The following SPEF2 variants were observed in gnomAD, a reference collection of about 807,000 sequenced individuals.
The protein encoded by SPEF2 is sperm flagellar and cilia associated 2.
Under a neutral mutation model 224.6 loss-of-function variants are expected in SPEF2, and 187 were observed. The observed-to-expected ratio is 0.83, with a 90% confidence interval of 0.74 to 0.94. The LOEUF is 0.94. SPEF2 is among the 40% of genes least tolerant of loss of function. SPEF2 has a pLI of 0.00. For synonymous variants in SPEF2, 715 were observed against 707.3 expected (o/e 1.01, Z -0.17); for missense variants, 2,170 against 2,135.6 (o/e 1.02, Z -0.32).
intron 26 of SPEF2, among the ~76,000 whole-genome samples, chr5:35,768,732 T>A (rs1752412575): frequency 6.6e-6 from 1 of 152,184 alleles, no homozygotes; most frequent in African/African-American, 2.4e-5. Context: ...CTAACAATCA[T>A]ATTTGAATAC....
At chr5:35,623,939 C>T (rs181576285) in intron 1 of SPEF2, among the ~76,000 whole-genome samples, 1 of 152,250 alleles carries the variant, frequency 6.6e-6, no homozygotes, top group African/African-American at 2.4e-5. Context: ...ATAAGGTAGA[C>T]CCCATCACTC....
At chr5:35,655,234 C>A (rs1214828187) in intron 7 of SPEF2, among the ~76,000 whole-genome samples, 1 of 152,286 alleles carries the variant, frequency 6.6e-6, no homozygotes, top group East Asian at 1.9e-4. Flanking sequence ...CCACCCCAGA[C>A]CAGACCTGAA....
chr5:35,659,315 C>A lies in SPEF2; in HGVS notation c.1167+108C>A, dbSNP rs986469780. 8.9e-6 allele frequency: 10 copies of A among 1,121,546 alleles called. No homozygotes were observed. In the African/African-American group the frequency reaches 1.3e-4, roughly 14 times the overall value. 69.5% of individuals were successfully genotyped at this position (1,121,546 alleles called of 1,614,324 possible). On this transcript the variant is annotated intron_variant, in intron 8 of 36. Transcript: ENST00000356031. ...GTTGCCAATCATCTAATAAGATTTT[C>A]TTTTGTATGATCAACCTGTTATCTG... is the stretch of plus-strand genomic sequence containing the variant.
intron 30 of SPEF2, among the ~76,000 whole-genome samples, chr5:35,784,715 G>A (rs1754860239): frequency 6.6e-6 from 1 of 151,990 alleles, no homozygotes. Flanking sequence ...ACAAACAAGA[G>A]GCAGGAGGTG....
intron 26 of SPEF2, among the ~76,000 whole-genome samples, chr5:35,769,315 A>G (rs1356652524): frequency 6.6e-6 from 1 of 152,136 alleles, no homozygotes; most frequent in Non-Finnish European, 1.5e-5. Flanking sequence ...GTCGGCTTTC[A>G]GCTTTACTAA....
chr5:35,721,576 A>T (rs1001758811), intron 20 of SPEF2, among the ~76,000 whole-genome samples: 1 of 152,232 alleles, frequency 6.6e-6, no homozygotes, highest in African/African-American at 2.4e-5. Context: ...GATTTTACCA[A>T]TAGTCTTTAG....
At chr5:35,653,916 C>T (rs1748568829) in intron 6 of SPEF2, among the ~76,000 whole-genome samples, 1 of 134,616 alleles carries the variant, frequency 7.4e-6, no homozygotes, top group Non-Finnish European at 1.6e-5. Context: ...CACTGCACTC[C>T]AGCCTGGGTG....
chr5:35,663,845 G>A (rs1750060286), intron 8 of SPEF2, among the ~76,000 whole-genome samples: 2 of 152,150 alleles, frequency 1.3e-5, no homozygotes, highest in Admixed American at 6.5e-5. Flanking sequence ...TCAGGTGCAA[G>A]CCCAGTACTA....
At chr5:35,649,711 A>G (rs1408648503) in intron 6 of SPEF2, among the ~76,000 whole-genome samples, 1 of 152,260 alleles carries the variant, frequency 6.6e-6, no homozygotes, top group Non-Finnish European at 1.5e-5. Context: ...AACATTCACT[A>G]AAATTGTTTC....
intron 2 of SPEF2, among the ~76,000 whole-genome samples, chr5:35,638,118 T>G (rs1204379168): frequency 1.3e-5 from 2 of 152,170 alleles, no homozygotes; most frequent in Non-Finnish European, 2.9e-5. Flanking sequence ...TTATTTTTCT[T>G]TATATCTCTA....
At chr5:35,636,536 G>A (rs557414837) in intron 2 of SPEF2, among the ~76,000 whole-genome samples, 11 of 152,046 alleles carry the variant, frequency 7.2e-5, no homozygotes, top group Non-Finnish European at 1.6e-4. Context: ...ACTGTCTCAG[G>A]TAACTGTGAT....
intron 27 of SPEF2, among the ~76,000 whole-genome samples, chr5:35,772,321 C>T (rs1468778046): frequency 6.6e-6 from 1 of 152,134 alleles, no homozygotes; most frequent in Non-Finnish European, 1.5e-5. Flanking sequence ...GAACTCACTC[C>T]ACTCATAGAT....
At chr5:35,729,533 A>G (rs1177863902) in intron 21 of SPEF2, among the ~76,000 whole-genome samples, 1 of 152,150 alleles carries the variant, frequency 6.6e-6, no homozygotes, top group Non-Finnish European at 1.5e-5. Context: ...GACATGGAAG[A>G]TGTGCAACAC....
rs1038664583 is a variant in SPEF2 at position 35,667,267 on chromosome 5, T to G, written c.1355+8T>G. 1 of 1,514,536 alleles carries G rather than the reference T, an allele frequency of 6.6e-7. No individual in the cohort carries two copies. Among genetic ancestry groups the G allele is most frequent in the African/African-American group, 1.4e-5 (1 of 71,796 alleles). The allele number at this position is 1,514,536 out of a possible 1,614,324, so 93.8% of individuals were successfully genotyped here. ...TCGAATGTTGACAAATAAGTAAGTATTTTTTTTGTAATAACAGTAGAGACA... is the reference window on the plus strand; with the variant it reads ...TCGAATGTTGACAAATAAGTAAGTAGTTTTTTTGTAATAACAGTAGAGACA... On this transcript the variant is annotated splice_region_variant and intron_variant, in intron 9 of 36. Transcript: ENST00000356031.
intron 23 of SPEF2, among the ~76,000 whole-genome samples, chr5:35,750,634 C>T (rs1387476183): frequency 6.6e-6 from 1 of 151,854 alleles, no homozygotes; most frequent in Non-Finnish European, 1.5e-5. Context: ...CAAATCAAAA[C>T]CACAATGTGA....
At chr5:35,808,881 C>CATATATATAT (rs34389759) in intron 36 of SPEF2, among the ~76,000 whole-genome samples, 27 of 143,334 alleles carry the variant, frequency 1.9e-4, no homozygotes, top group South Asian at 1.3e-3. Context: ...TTGGGTTTTA[C>CATATATATAT]ATATATATAT....
intron 26 of SPEF2, among the ~76,000 whole-genome samples, chr5:35,767,817 T>A (rs984874023): frequency 1.3e-5 from 2 of 152,132 alleles, no homozygotes; most frequent in Non-Finnish European, 2.9e-5. Flanking sequence ...ATTATTGACC[T>A]AAGAGAAGAA....
chr5:35,811,065 T>C (rs116218962), intron 36 of SPEF2, among the ~76,000 whole-genome samples: 87 of 146,108 alleles, frequency 6.0e-4, no homozygotes, highest in African/African-American at 2.2e-3. Flanking sequence ...CCCTTTCCAG[T>C]AAGGTGTTCT....
intron 33 of SPEF2, 55 bp downstream of exon 33, chr5:35,795,850 G>A (rs1268491689): frequency 1.1e-5 from 16 of 1,461,528 alleles, no homozygotes; most frequent in Non-Finnish European, 1.5e-5. Context: ...CATTTTCTTT[G>A]TGTTTTCTTC....
Sources: gnomAD v4.1 joint callset for allele counts (sites outside exome capture counted in the v4.1 genomes callset) on GRCh38, gnomAD v4.1.1 for gene constraint, MANE v1.5 for transcripts, NCBI Gene and HGNC (gene_info 2026-07-23, HGNC 2026-07-21) for gene names.